Variants in DENND2B observed in about 807,000 individuals in gnomAD.
DENND2B encodes DENN domain-containing protein 2B.
In DENND2B, 32 loss-of-function variants were observed where a neutral mutation model predicts 116.0. The ratio of observed to expected loss-of-function variants is 0.28; its 90% CI spans 0.21 to 0.37. The LOEUF (loss-of-function observed/expected upper bound fraction) is 0.37, where lower values mean the gene tolerates loss of function less well. Ranked by LOEUF, DENND2B falls within the 10% of genes least tolerant of loss-of-function variation. The pLI, the probability that DENND2B is intolerant of heterozygous loss-of-function variation, is 1.00. For synonymous variants in DENND2B, 588 were observed against 583.9 expected, an observed-to-expected ratio of 1.01 and a Z score of -0.10; for missense variants, 1,276 against 1,477.7, an observed-to-expected ratio of 0.86 and a Z score of 2.24.
chr11:8,789,236 T>C (rs1213166346), intron 1 of DENND2B, among the ~76,000 whole-genome samples: 1 of 152,252 alleles, frequency 6.6e-6, no homozygotes, highest in African/African-American at 2.4e-5. Flanking sequence ...TTAATAGTCA[T>C]AGTTATTAGT....
chr11:8,696,321 A>C, intron 18 of DENND2B, 106 bp downstream of exon 18: 1 of 1,495,392 alleles, frequency 6.7e-7, no homozygotes, highest in East Asian at 2.3e-5. Flanking sequence ...GGATGTTAAG[A>C]GGCCTGGCCC....
rs1276044797 is a variant in DENND2B, at chr11:8,699,359, C to T, written c.2752G>A (p.Ala918Thr). ...TLSSCSHAVV[A>T]LLYPFSWQHT... ...TGCCAGGAGAAGGGGTAGAGCAAGG[C>T]CACCACCGCGTGGGAGCAGCTGGAG... Residue 918 changes from alanine (A) to threonine (T), a missense_variant, in exon 15 of 20, where the codon GCC (alanine) becomes ACC (threonine). Ala to Thr is a moderately conservative substitution (Grantham distance 58). This residue lies in a region of DENND2B where 420 missense variants were observed against 631.1 expected (regional missense o/e 0.67). Transcript: ENST00000313726. 6.2e-7 allele frequency: 1 copy of T among 1,605,914 alleles called. No homozygotes were observed. Among genetic ancestry groups the T allele is most frequent in the South Asian group, 1.1e-5 (1 of 90,146 alleles).
At chr11:8,778,014 A>G (rs949012251) in intron 1 of DENND2B, among the ~76,000 whole-genome samples, 4 of 152,190 alleles carry the variant, frequency 2.6e-5, no homozygotes, top group African/African-American at 9.7e-5. Context: ...TCAGGAGCTT[A>G]CCCAAAACAA....
chr11:8,789,775 C>CAAAAAAATA (rs138928549), intron 1 of DENND2B, among the ~76,000 whole-genome samples: 124 of 151,508 alleles, frequency 8.2e-4, no homozygotes, highest in African/African-American at 3.0e-3. Flanking sequence ...CCCATCTCTA[C>CAAAAAAATA]AAAAAATAAA....
At position 8,714,046 on chromosome 11, in the gene DENND2B, GA is replaced by G; in HGVS notation, c.1943-5del. On this transcript the variant is annotated splice_region_variant and splice_polypyrimidine_tract_variant and intron_variant, in intron 7 of 19. Coordinates refer to ENST00000313726, the MANE Select transcript of DENND2B (RefSeq NM_213618.2). The stretch of plus-strand genomic sequence containing the variant: ...CTCTCGCTCTCACTGTTTTCATCTG[GA>G]AAAGGAACAGCAGAGTACATACTTG... 1 of 1,614,014 alleles carries G rather than the reference GA, an allele frequency of 6.2e-7. No homozygotes were observed.
chr11:8,900,598 C>CAA (rs546601662), intron 1 of DENND2B, among the ~76,000 whole-genome samples: 1 of 129,720 alleles, frequency 7.7e-6, no homozygotes, highest in Non-Finnish European at 1.7e-5. Context: ...GACCCTGTCT[C>CAA]AAAAAAAAAA....
chr11:8,840,029 G>A (rs765034036), intron 3 of DENND2B, among the ~76,000 whole-genome samples: 15 of 152,160 alleles, frequency 9.9e-5, no homozygotes, highest in Non-Finnish European at 2.1e-4. Context: ...TTCCCCAGGT[G>A]GAAAAATTGA....
At chr11:8,737,646 A>T (rs1275997689) in intron 2 of DENND2B, among the ~76,000 whole-genome samples, 2 of 150,644 alleles carry the variant, frequency 1.3e-5, no homozygotes, top group Non-Finnish European at 2.9e-5. Context: ...GCATAATGGA[A>T]GCATCTTTCT....
In DENND2B at chr11:8,730,959, T is replaced by C; in HGVS notation, c.331A>G (p.Arg111Gly). 1 of 1,614,216 alleles carries C rather than the reference T, an allele frequency of 6.2e-7. No individual in the cohort carries two copies. Among genetic ancestry groups the C allele is most frequent in the South Asian group, 1.1e-5 (1 of 91,088 alleles). ...YLDRSPSACK[R>G]DAQKESVQGA... ...TGGACACTTTCCTTTTGGGCGTCTC[T>C]CTTGCACGCCGAAGGGCTTCTGTCC... Residue 111 changes from arginine to glycine, a missense_variant, in exon 3 of 20, where the codon AGA (arginine) becomes GGA (glycine). Around this residue, in one of 2 missense-constraint regions of DENND2B, gnomAD observed 856 missense variants for 846.6 expected, o/e 1.01. Transcript: ENST00000313726. The surrounding 1 kb of genome is among the most constrained non-coding windows in gnomAD (Gnocchi z 4.1).
At chr11:8,819,364 G>A (rs1354090790) in intron 4 of DENND2B, among the ~76,000 whole-genome samples, 1 of 151,954 alleles carries the variant, frequency 6.6e-6, no homozygotes, top group Non-Finnish European at 1.5e-5. Context: ...GCCACTGCAC[G>A]CCACAGCCTG....
intron 1 of DENND2B, among the ~76,000 whole-genome samples, chr11:8,755,906 T>C (rs1416942575): frequency 6.6e-6 from 1 of 152,242 alleles, no homozygotes; most frequent in Non-Finnish European, 1.5e-5. Context: ...AGATACTCTC[T>C]ACCTGTATCA....
intron 2 of DENND2B, among the ~76,000 whole-genome samples, chr11:8,870,533 G>C (rs1047477906): frequency 6.6e-6 from 1 of 152,058 alleles, no homozygotes; most frequent in Non-Finnish European, 1.5e-5. Flanking sequence ...GTGCGCGCGC[G>C]CGCGCGCGTT....
At chr11:8,811,799 T>C (rs2061387337), upstream of DENND2B, among the ~76,000 whole-genome samples, 1 of 152,206 alleles carries the variant, frequency 6.6e-6, no homozygotes, top group Non-Finnish European at 1.5e-5. Flanking sequence ...ATTGGTGCAA[T>C]CATAGCTCAC....
At position 8,712,652 on chromosome 11, in the gene DENND2B, A is replaced by ACTCCAGCAG. The variant is rs1437412764; in HGVS notation, c.2062_2070dup (p.Leu688_Glu690dup). 1 of 1,600,350 alleles carries ACTCCAGCAG rather than the reference A, an allele frequency of 6.2e-7. No homozygotes were observed. The highest frequency in any genetic ancestry group is 8.5e-7 in the Non-Finnish European group (1 of 1,173,960). ...TACTCAAAAAGCTCCCGCTCCTGCC[A>ACTCCAGCAG]CTCCAGCAGCTCCAGCTCCAGCGTG... On this transcript the variant is annotated inframe_insertion, in exon 9 of 20. Transcript: ENST00000313726. This position sits in a 1 kb window ranked among gnomAD's most constrained non-coding sequence, Gnocchi z 4.4.
intron 3 of DENND2B, among the ~76,000 whole-genome samples, chr11:8,840,113 A>G (rs535533211): frequency 6.6e-6 from 1 of 152,102 alleles, no homozygotes; most frequent in East Asian, 1.9e-4. Flanking sequence ...ATTTGTAATC[A>G]AGGGCAGCGA....
chr11:8,836,491 A>G (rs1205355224), intron 4 of DENND2B, among the ~76,000 whole-genome samples: 1 of 139,296 alleles, frequency 7.2e-6, no homozygotes, highest in Non-Finnish European at 1.5e-5. Context: ...GTGCAATCTC[A>G]GCTCACTGCA....
intron 3 of DENND2B, among the ~76,000 whole-genome samples, chr11:8,839,956 G>C (rs1441324382): frequency 1.3e-5 from 2 of 152,058 alleles, no homozygotes; most frequent in African/African-American, 4.8e-5. Flanking sequence ...CCACTTACTG[G>C]ACAGTCTATG....
chr11:8,793,812 T>A (rs2059587842), intron 1 of DENND2B, among the ~76,000 whole-genome samples: 1 of 152,164 alleles, frequency 6.6e-6, no homozygotes, highest in African/African-American at 2.4e-5. Flanking sequence ...CCGCTAACAC[T>A]CCCACTAACA....
chr11:8,707,335 G>A lies in DENND2B; in HGVS notation c.2431-110C>T, dbSNP rs887202472. On this transcript the variant is annotated intron_variant, in intron 12 of 19. Coordinates refer to ENST00000313726, the MANE Select transcript of DENND2B (RefSeq NM_213618.2). The surrounding 1 kb of genome is among the most constrained non-coding windows in gnomAD (Gnocchi z 4.8). ...ATCTGACCAGGCTAGCCCAGAAGCTGGGAGACGGGAAGGTGGTCTTGCCAT... is the reference window on the plus strand; with the variant it reads ...ATCTGACCAGGCTAGCCCAGAAGCTAGGAGACGGGAAGGTGGTCTTGCCAT... 3.5e-6 allele frequency: 5 copies of A among 1,410,434 alleles called. No homozygotes were observed. The highest frequency in any genetic ancestry group is 3.8e-6 in the Non-Finnish European group (4 of 1,055,350). 87.4% of individuals were successfully genotyped at this position (1,410,434 alleles called of 1,614,324 possible).
Sources: allele counts gnomAD v4.1 joint callset (sites outside exome capture counted in the v4.1 genomes callset), GRCh38; gene constraint gnomAD v4.1.1; regional missense constraint gnomAD v4.1.1; non-coding constraint Gnocchi (gnomAD v3.1); transcripts MANE v1.5; gene names NCBI Gene and HGNC (gene_info 2026-07-23, HGNC 2026-07-21).